The following KCNQ5 variants were observed in gnomAD, a reference collection of about 807,000 sequenced individuals.
KCNQ5 encodes potassium voltage-gated channel subfamily KQT member 5.
In KCNQ5, 30 loss-of-function variants were observed where a neutral mutation model predicts 98.2. The ratio of observed to expected loss-of-function variants is 0.31; its 90% CI spans 0.23 to 0.41. The LOEUF (loss-of-function observed/expected upper bound fraction) is 0.41. Among genes scored for constraint, KCNQ5 ranks in the 10% least tolerant of loss-of-function variants. The probability of loss-of-function intolerance (pLI) is 1.00; values close to 1 mark genes in which losing one functional copy is unlikely to be tolerated. For missense variants in KCNQ5, 835 were observed against 1,182.5 expected, an observed-to-expected ratio of 0.71 and a Z score of 4.31; for synonymous variants, 458 against 449.4, an observed-to-expected ratio of 1.02 and a Z score of -0.24.
chr6:73,101,045 T>A (rs539786238), intron 5 of KCNQ5, among the ~76,000 whole-genome samples: 1 of 152,186 alleles, frequency 6.6e-6, no homozygotes, highest in African/African-American at 2.4e-5. Context: ...TACTGTTGAA[T>A]TCTACCAAAC....
At chr6:72,777,305 G>A (rs1373879602) in intron 1 of KCNQ5, among the ~76,000 whole-genome samples, 11 of 152,164 alleles carry the variant, frequency 7.2e-5, no homozygotes, top group African/African-American at 2.7e-4. Flanking sequence ...CTCAAAGGAC[G>A]GATGGTAAAC....
chr6:72,718,641 G>A (rs1452956951), intron 1 of KCNQ5, among the ~76,000 whole-genome samples: 1 of 151,694 alleles, frequency 6.6e-6, no homozygotes, highest in Non-Finnish European at 1.5e-5. Flanking sequence ...AGTAGAGACG[G>A]GGTTTCACCA....
intron 1 of KCNQ5, among the ~76,000 whole-genome samples, chr6:72,965,786 A>G (rs1239851340): frequency 6.6e-6 from 1 of 152,214 alleles, no homozygotes; most frequent in Non-Finnish European, 1.5e-5. Context: ...TAAGCACAAA[A>G]AAGTCACATT....
intron 10 of KCNQ5, among the ~76,000 whole-genome samples, chr6:73,158,988 A>G (rs972811954): frequency 1.3e-5 from 2 of 152,200 alleles, no homozygotes; most frequent in African/African-American, 4.8e-5. Context: ...GATAAACATT[A>G]TTGCATTAAG....
intron 1 of KCNQ5, among the ~76,000 whole-genome samples, chr6:72,683,020 G>C (rs1371466491): frequency 5.9e-5 from 9 of 152,192 alleles, no homozygotes; most frequent in Non-Finnish European, 1.3e-4. Flanking sequence ...TCAGCCATAC[G>C]TGATTTTTTA....
At chr6:72,889,128 C>G (rs1231589383) in intron 1 of KCNQ5, among the ~76,000 whole-genome samples, 2 of 152,134 alleles carry the variant, frequency 1.3e-5, no homozygotes, top group Non-Finnish European at 1.5e-5. Flanking sequence ...ATGAGGGAAC[C>G]TTGCTAAGGA....
rs761747518 is a variant in KCNQ5 at position 73,063,736 on chromosome 6, TA to T, written c.617-13585del. 2.7e-3 allele frequency among the ~76,000 whole-genome samples: 335 copies of T among 125,382 alleles called. 3 individuals carry two copies. The highest frequency in any genetic ancestry group is 0.011 in the South Asian group (41 of 3,698). 82.3% of individuals were successfully genotyped at this position (125,382 alleles called of 152,430 possible). On this transcript the variant is annotated intron_variant, in intron 3 of 13. Transcript: ENST00000370398. ...GATAGATAGATGATAGATAGATAGA[TA>T]GATAGATAGATAGATAGATAGATAG...
chr6:72,986,825 G>T, intron 1 of KCNQ5: 2 of 1,209,638 alleles, frequency 1.7e-6, no homozygotes, highest in African/African-American at 3.0e-5. Flanking sequence ...GGAAACAAAG[G>T]GGGCCCAGGA....
intron 1 of KCNQ5, among the ~76,000 whole-genome samples, chr6:72,833,387 G>T (rs1035288187): frequency 3.3e-5 from 5 of 152,100 alleles, no homozygotes; most frequent in Non-Finnish European, 7.4e-5. Context: ...TGCTTGCTTA[G>T]CATTTCACCA....
chr6:72,828,387 C>G (rs1408145351), intron 1 of KCNQ5, among the ~76,000 whole-genome samples: 1 of 151,966 alleles, frequency 6.6e-6, no homozygotes, highest in East Asian at 1.9e-4. Flanking sequence ...TTGTTTGTAT[C>G]CTCTTCAATT....
chr6:72,740,416 C>G (rs1486326394), intron 1 of KCNQ5, among the ~76,000 whole-genome samples: 8 of 152,052 alleles, frequency 5.3e-5, no homozygotes, highest in Non-Finnish European at 1.0e-4. Context: ...TAGTGAGTAA[C>G]TAAAATTCTC....
At chr6:72,980,249 T>C (rs1423416973) in intron 1 of KCNQ5, among the ~76,000 whole-genome samples, 1 of 152,208 alleles carries the variant, frequency 6.6e-6, no homozygotes, top group East Asian at 1.9e-4. Flanking sequence ...TGGCATTGAA[T>C]CTATAAATTA....
At chr6:72,742,505 A>G (rs16882791) in intron 1 of KCNQ5, among the ~76,000 whole-genome samples, 2,190 of 152,304 alleles carry the variant, frequency 0.014, 40 homozygotes, top group African/African-American at 0.048. Flanking sequence ...GATATAAATA[A>G]CCACAGTTCT....
intron 1 of KCNQ5, among the ~76,000 whole-genome samples, chr6:72,913,921 A>G (rs1254234209): frequency 6.6e-6 from 1 of 152,210 alleles, no homozygotes; most frequent in Non-Finnish European, 1.5e-5. Flanking sequence ...TAATGGTAAC[A>G]AACTGGGGGA....
At chr6:72,827,980 A>G (rs185938847) in intron 1 of KCNQ5, among the ~76,000 whole-genome samples, 1 of 152,130 alleles carries the variant, frequency 6.6e-6, no homozygotes, top group Admixed American at 6.5e-5. Context: ...ATTTATTGAC[A>G]AGACTGTCCT....
At chr6:72,856,562 G>A (rs1777543267) in intron 1 of KCNQ5, among the ~76,000 whole-genome samples, 1 of 152,004 alleles carries the variant, frequency 6.6e-6, no homozygotes, top group Admixed American at 6.6e-5. Context: ...AATATGGTAT[G>A]AGCTCTTTCC....
intron 3 of KCNQ5, among the ~76,000 whole-genome samples, chr6:73,056,825 A>T (rs1258552051): frequency 1.3e-5 from 2 of 152,268 alleles, no homozygotes; most frequent in Admixed American, 6.5e-5. Flanking sequence ...AAGTCAGGAA[A>T]CAACAGGTGC....
intron 1 of KCNQ5, among the ~76,000 whole-genome samples, chr6:72,937,072 T>C (rs1355478022): frequency 6.6e-6 from 1 of 152,232 alleles, no homozygotes; most frequent in Non-Finnish European, 1.5e-5. Flanking sequence ...ACTATTCATA[T>C]TGATAAATTA....
At chr6:73,163,102 G>A (rs995696029) in intron 10 of KCNQ5, among the ~76,000 whole-genome samples, 3 of 152,170 alleles carry the variant, frequency 2.0e-5, no homozygotes, top group African/African-American at 7.2e-5. Flanking sequence ...AAATCAAAAT[G>A]TGTCAGACCA....
Sources: allele counts gnomAD v4.1 joint callset (sites outside exome capture counted in the v4.1 genomes callset), GRCh38; gene constraint gnomAD v4.1.1; transcripts MANE v1.5; gene names NCBI Gene and HGNC (gene_info 2026-07-23, HGNC 2026-07-21).